Variants in JARID2 observed in about 807,000 individuals in gnomAD.
JARID2 encodes jumonji and AT-rich interaction domain containing 2.
JARID2 carries 21 observed loss-of-function variants against 125.6 expected under a neutral mutation model. That is an observed-to-expected ratio of 0.17 (90% CI 0.12 to 0.24). JARID2 has a LOEUF of 0.24. Ranked by LOEUF, JARID2 falls within the 10% of genes least tolerant of loss-of-function variation. JARID2 has a pLI of 1.00. For synonymous variants in JARID2, 736 were observed against 661.6 expected (o/e 1.11, Z -1.73); for missense variants, 1,303 against 1,639.6 (o/e 0.79, Z 3.55).
intron 5 of JARID2, among the ~76,000 whole-genome samples, chr6:15,480,178 G>A (rs1561892223): frequency 6.6e-6 from 1 of 151,998 alleles, no homozygotes; most frequent in African/African-American, 2.4e-5. Context: ...TGCCCCTTTC[G>A]TTTGTTTTGG....
chr6:15,509,036 C>T (rs1771143077), intron 12 of JARID2: 2 of 1,289,166 alleles, frequency 1.6e-6, no homozygotes, highest in Admixed American at 4.6e-5. Context: ...GAATCTCGTT[C>T]CTGCCATGTG....
intron 3 of JARID2, among the ~76,000 whole-genome samples, chr6:15,412,205 A>G (rs1765907041): frequency 6.6e-6 from 1 of 152,138 alleles, no homozygotes; most frequent in Non-Finnish European, 1.5e-5. Context: ...TTAAGGTTTG[A>G]TAGGCTTGGG....
intron 5 of JARID2, among the ~76,000 whole-genome samples, chr6:15,486,805 A>ATTTTTTTTT (rs766075740): frequency 2.7e-4 from 11 of 40,624 alleles, no homozygotes; most frequent in Non-Finnish European, 3.9e-4. Flanking sequence ...CTGAGAATAG[A>ATTTTTTTTT]CTTTTTTTTT....
rs748033762 is a variant in JARID2, at chr6:15,496,423, ACT to A, written c.1199_1200del (p.Thr400ArgfsTer20). 1 of 1,613,614 alleles carries A rather than the reference ACT, an allele frequency of 6.2e-7. No homozygotes were observed. ...VLSLGGASKS[T>X]GPAVNGLKVS... ...ATCCCTCGGGGGGGCGTCCAAGTCCACTGGGCCCGCCGTCAATGGCCTCAAGG... is the reference window on the plus strand; with the variant it reads ...ATCCCTCGGGGGGGCGTCCAAGTCCAGGGCCCGCCGTCAATGGCCTCAAGG... On this transcript the variant is annotated frameshift_variant, in exon 7 of 18. Transcript: ENST00000341776. LOFTEE classifies it high-confidence loss of function.
chr6:15,271,838 A>G (rs1298560987), intron 1 of JARID2, among the ~76,000 whole-genome samples: 1 of 152,194 alleles, frequency 6.6e-6, no homozygotes, highest in East Asian at 1.9e-4. Flanking sequence ...CATCTATACT[A>G]AAAATATAAA....
At chr6:15,489,702 T>A (rs1001319515) in intron 6 of JARID2, among the ~76,000 whole-genome samples, 1 of 152,202 alleles carries the variant, frequency 6.6e-6, no homozygotes, top group African/African-American at 2.4e-5. Flanking sequence ...AGGAAAGAGG[T>A]CCTGGGGTGC....
intron 7 of JARID2, among the ~76,000 whole-genome samples, chr6:15,498,336 T>C (rs1770566295): frequency 6.6e-6 from 1 of 152,208 alleles, no homozygotes; most frequent in Admixed American, 6.5e-5. Context: ...AATGCATATC[T>C]GGGCTGTCAT....
In JARID2 at chr6:15,465,814, G is replaced by GTTT. The variant is rs1177497133; in HGVS notation, c.494-2723_494-2721dup. 8.1e-3 allele frequency among the ~76,000 whole-genome samples: 1,178 copies of GTTT among 144,838 alleles called. 17 individuals carry two copies. Among genetic ancestry groups the GTTT allele is most frequent in the African/African-American group, 0.027 (1,080 of 40,050 alleles). ...TGTTTGTTTGTTTGTTTGTTTGTTT[G>GTTT]TTTTTTTGAGACGGAGTCTTGTTCT... is the stretch of plus-strand genomic sequence containing the variant. On this transcript the variant is annotated intron_variant, in intron 4 of 17. Coordinates refer to ENST00000341776, the MANE Select transcript of JARID2 (RefSeq NM_004973.4).
At chr6:15,392,433 TG>T (rs1765057311) in intron 2 of JARID2, among the ~76,000 whole-genome samples, 1 of 152,142 alleles carries the variant, frequency 6.6e-6, no homozygotes, top group African/African-American at 2.4e-5. Context: ...ATTCACCTTC[TG>T]TCCGACTTGC....
intron 1 of JARID2, among the ~76,000 whole-genome samples, chr6:15,269,126 AG>A (rs1392227064): frequency 1.3e-5 from 2 of 152,254 alleles, no homozygotes; most frequent in Admixed American, 6.5e-5. Context: ...GTGGTGAGGT[AG>A]TTGCCCCTTT....
chr6:15,505,443 G>C (rs1770959132), intron 9 of JARID2: 1 of 151,464 alleles, frequency 6.6e-6, no homozygotes, highest in Non-Finnish European at 1.5e-5. Context: ...TGGGGGTTCA[G>C]GTATCTTGTT....
At chr6:15,492,241 A>G (rs1770185183) in intron 6 of JARID2, among the ~76,000 whole-genome samples, 1 of 152,240 alleles carries the variant, frequency 6.6e-6, no homozygotes, top group Non-Finnish European at 1.5e-5. Context: ...AACTTCAAGC[A>G]CTTATGTATA....
chr6:15,455,520 T>G (rs1768122709), intron 4 of JARID2, among the ~76,000 whole-genome samples: 1 of 152,142 alleles, frequency 6.6e-6, no homozygotes, highest in South Asian at 2.1e-4. Context: ...GCATGGCTTT[T>G]AAACGTAATT....
At chr6:15,371,680 T>C (rs1011379904) in intron 1 of JARID2, among the ~76,000 whole-genome samples, 1 of 152,200 alleles carries the variant, frequency 6.6e-6, no homozygotes, top group Admixed American at 6.5e-5. Context: ...GGTTCCTCCA[T>C]TTTTCTGGTT....
intron 1 of JARID2, among the ~76,000 whole-genome samples, chr6:15,312,774 C>CT (rs1478919166): frequency 6.6e-6 from 1 of 152,092 alleles, no homozygotes; most frequent in Non-Finnish European, 1.5e-5. Flanking sequence ...TGGCCTGGTC[C>CT]TTTCGTGATT....
chr6:15,375,084 C>T (rs552788375), intron 2 of JARID2, among the ~76,000 whole-genome samples: 1 of 152,266 alleles, frequency 6.6e-6, no homozygotes, highest in South Asian at 2.1e-4. Context: ...GGGTACTTGA[C>T]AGTTTGTTAG....
At chr6:15,503,106 T>C (rs1770820764) in intron 8 of JARID2, among the ~76,000 whole-genome samples, 1 of 152,150 alleles carries the variant, frequency 6.6e-6, no homozygotes, top group Non-Finnish European at 1.5e-5. Flanking sequence ...ATCACGGAAA[T>C]ATAGTGGAGC....
intron 1 of JARID2, among the ~76,000 whole-genome samples, chr6:15,312,046 A>G (rs899941451): frequency 1.3e-5 from 2 of 152,156 alleles, no homozygotes; most frequent in African/African-American, 2.4e-5. Flanking sequence ...AAACAAAAAC[A>G]AAAGCTTTCT....
chr6:15,440,955 T>C (rs940934880), intron 3 of JARID2, among the ~76,000 whole-genome samples: 2 of 152,236 alleles, frequency 1.3e-5, no homozygotes, highest in African/African-American at 4.8e-5. Context: ...TTGTTGGTGA[T>C]AGTTTAAGTA....
Sources: allele counts gnomAD v4.1 joint callset (sites outside exome capture counted in the v4.1 genomes callset), GRCh38; gene constraint gnomAD v4.1.1; transcripts MANE v1.5; gene names NCBI Gene and HGNC (gene_info 2026-07-23, HGNC 2026-07-21).